The following LRIT3 variants were observed in gnomAD, a reference collection of about 807,000 sequenced individuals.
The protein encoded by LRIT3 is leucine rich repeat, Ig-like and transmembrane domains 3.
In LRIT3, 14 loss-of-function variants were observed where a neutral mutation model predicts 22.6. The observed-to-expected ratio is 0.62, with a 90% confidence interval of 0.41 to 0.97. LRIT3 has a LOEUF of 0.97. LRIT3 is among the 50% of genes least tolerant of loss of function. LRIT3 has a pLI of 0.00. For synonymous variants in LRIT3, 306 were observed against 304.5 expected, an observed-to-expected ratio of 1.01 and a Z score of -0.05; for missense variants, 783 against 803.0, an observed-to-expected ratio of 0.98 and a Z score of 0.30.
At position 109,872,222 on chromosome 4, in the gene LRIT3, C is replaced by T. The variant is rs1734854387; in HGVS notation, c.*1433C>T. The stretch of plus-strand genomic sequence containing the variant: ...ATAGAAGCTCTCCTAGTCAGTTGGT[C>T]ATCTGACCTCTGACTATATCCGGCC... On this transcript the variant is annotated 3_prime_UTR_variant, in exon 4 of 4. Transcript: ENST00000594814. 6.6e-6 allele frequency: 1 copy of T among 152,262 alleles called. No homozygotes were observed. The highest frequency in any genetic ancestry group is 1.5e-5 in the Non-Finnish European group (1 of 68,064). The allele number at this position is 152,262 out of a possible 1,614,324, so 9.4% of individuals were successfully genotyped here.
Position 109,851,694 on chromosome 4 carries a change from A to C in LRIT3, c.307A>C (p.Asn103His). ...VASIDPSSFY[N>H]LKQLHELRLD... Reference sequence around the variant, plus strand: ...CAGCATTGACCCCAGCAGCTTTTACAACCTGAAGCAACTGCATGAGTTGCG... The same window carrying C: ...CAGCATTGACCCCAGCAGCTTTTACCACCTGAAGCAACTGCATGAGTTGCG... Residue 103 changes from asparagine to histidine, a missense_variant, in exon 2 of 4, where the codon AAC becomes CAC. Coordinates refer to ENST00000594814, the MANE Select transcript of LRIT3 (RefSeq NM_198506.5). The C allele has an allele frequency of 6.4e-7, 1 of 1,551,670 alleles. No homozygotes were observed. The highest frequency in any genetic ancestry group is 1.2e-5 in the South Asian group (1 of 84,062).
intron 2 of LRIT3, among the ~76,000 whole-genome samples, chr4:109,859,930 T>A (rs1391310329): frequency 6.6e-6 from 1 of 152,356 alleles, no homozygotes; most frequent in Non-Finnish European, 1.5e-5. Context: ...TCAAGGGGTC[T>A]CCCTACATAA....
chr4:109,869,683 A>G lies in LRIT3; in HGVS notation c.934A>G (p.Ile312Val), dbSNP rs2125901453. The change falls in exon 4 of 4, where the codon ATA becomes GTA. Residue 312 changes from isoleucine (I) to valine (V), a missense_variant. Ile to Val is a conservative substitution (Grantham distance 29). Coordinates refer to ENST00000594814, the MANE Select transcript of LRIT3 (RefSeq NM_198506.5). Reference protein sequence around the residue: ...ESPEEGVRWSIMSLTGISSKD... With the variant: ...ESPEEGVRWSVMSLTGISSKD... The stretch of plus-strand genomic sequence containing the variant: ...TCCAGAGGAAGGAGTCAGATGGTCC[A>G]TAATGAGCTTGACAGGCATTTCTTC... The G allele has an allele frequency of 1.3e-6, 2 of 1,587,916 alleles. No homozygotes were observed. Among genetic ancestry groups the G allele is most frequent in the Non-Finnish European group, 8.6e-7 (1 of 1,166,588 alleles).
chr4:109,853,190 C>T (rs1734315199), intron 2 of LRIT3, among the ~76,000 whole-genome samples: 2 of 152,260 alleles, frequency 1.3e-5, no homozygotes, highest in South Asian at 4.1e-4. Flanking sequence ...CTAATTTATA[C>T]TCCCACCAAC....
At chr4:109,863,804 T>G (rs1734606170) in intron 2 of LRIT3, among the ~76,000 whole-genome samples, 1 of 152,196 alleles carries the variant, frequency 6.6e-6, no homozygotes. Flanking sequence ...CTCTCAGTGC[T>G]AAAAGCAAGA....
chr4:109,865,344 C>T, intron 2 of LRIT3: 1 of 1,553,548 alleles, frequency 6.4e-7, no homozygotes, highest in South Asian at 1.1e-5. Flanking sequence ...CTTCACATAT[C>T]AGGTCAACTA....
At chr4:109,851,463 G>A in intron 1 of LRIT3, 41 bp from the exon 2 acceptor site, 1 of 1,474,260 alleles carries the variant, frequency 6.8e-7, no homozygotes, top group Non-Finnish European at 9.0e-7. Flanking sequence ...AATGGGTGTT[G>A]GAAAGTGAGT....
intron 2 of LRIT3, among the ~76,000 whole-genome samples, chr4:109,857,158 T>A (rs1288873162): frequency 2.6e-5 from 4 of 152,120 alleles, no homozygotes; most frequent in Non-Finnish European, 5.9e-5. Context: ...AATATGCATC[T>A]TTCCTACTAA....
chr4:109,851,175 G>A (rs1284536467), intron 1 of LRIT3, among the ~76,000 whole-genome samples: 1 of 152,204 alleles, frequency 6.6e-6, no homozygotes, highest in Non-Finnish European at 1.5e-5. Context: ...GTTGTTGACA[G>A]TAGCAGCAAA....
Position 109,849,528 on chromosome 4 carries a change from G to A in LRIT3, c.116+1211G>A, listed in dbSNP as rs1289921955. On this transcript the variant is annotated intron_variant, in intron 1 of 3. Coordinates refer to ENST00000594814, the MANE Select transcript of LRIT3 (RefSeq NM_198506.5). ...TCCTAGATCATATAATTGTGTTGATGTAGTAACTAAGTTCATAAAGATGCT... is the reference window on the plus strand; with the variant it reads ...TCCTAGATCATATAATTGTGTTGATATAGTAACTAAGTTCATAAAGATGCT... Among the ~76,000 whole-genome samples, 8 of 152,342 alleles carry A rather than the reference G, an allele frequency of 5.3e-5. No individual in the cohort carries two copies. In the East Asian group the frequency reaches 1.3e-3, roughly 26 times the overall value.
intron 2 of LRIT3, 63 bp from the exon 3 acceptor site, chr4:109,867,578 G>T: frequency 8.1e-7 from 1 of 1,231,402 alleles, no homozygotes; most frequent in South Asian, 2.5e-5. Flanking sequence ...TTTCTCAAGA[G>T]GCAGGATGTA....
intron 2 of LRIT3, among the ~76,000 whole-genome samples, chr4:109,855,624 G>A (rs950924060): frequency 4.6e-5 from 7 of 152,012 alleles, no homozygotes; most frequent in South Asian, 2.1e-4. Flanking sequence ...TCTTTTAATT[G>A]TGATGTTAGG....
intron 2 of LRIT3, among the ~76,000 whole-genome samples, chr4:109,853,216 C>G (rs1479666704): frequency 1.3e-5 from 2 of 152,144 alleles, no homozygotes; most frequent in Non-Finnish European, 2.9e-5. Context: ...AAAAACGTTC[C>G]TATTTCTCCA....
rs1392210909 is a variant in LRIT3 at position 109,851,789 on chromosome 4, G to A, written c.402G>A (p.Leu134=). The part of the protein sequence containing the change: ...SLLDMPLLRT[L]DLHNNKITSV... ...TGGACATGCCCCTTCTGAGGACCCT[G>A]GACTTGCACAATAACAAAATAACCA... Residue 134 remains leucine (L), a synonymous_variant, in exon 2 of 4, where the codon CTG becomes CTA. Coordinates refer to ENST00000594814, the MANE Select transcript of LRIT3 (RefSeq NM_198506.5). 1 of 1,551,766 alleles carries A rather than the reference G, an allele frequency of 6.4e-7. No homozygotes were observed. The highest frequency in any genetic ancestry group is 1.2e-5 in the South Asian group (1 of 84,066).
At chr4:109,865,085 C>A in intron 2 of LRIT3, 1 of 1,400,120 alleles carries the variant, frequency 7.1e-7, no homozygotes, top group Non-Finnish European at 9.3e-7. Flanking sequence ...TCTTTGGTTT[C>A]TTTTAGTCTA....
At position 109,851,564 on chromosome 4, in the gene LRIT3, T is replaced by C. The variant is rs373425061; in HGVS notation, c.177T>C (p.Thr59=). Residue 59 remains threonine (T), a synonymous_variant, in exon 2 of 4, where the codon ACT becomes ACC. Coordinates refer to ENST00000594814, the MANE Select transcript of LRIT3 (RefSeq NM_198506.5). ...NELPTNLPVD[T]VKLRIEKTVI... The stretch of plus-strand genomic sequence containing the variant: ...TGCCTACGAACCTCCCCGTGGACAC[T>C]GTGAAGCTTCGCATAGAGAAGACTG... 3 of 1,551,792 alleles carry C rather than the reference T, an allele frequency of 1.9e-6. No individual in the cohort carries two copies. Among genetic ancestry groups the C allele is most frequent in the African/African-American group, 2.7e-5 (2 of 73,048 alleles).
In LRIT3 at chr4:109,852,878, G is replaced by C. The variant is rs966720924; in HGVS notation, c.589+902G>C. On this transcript the variant is annotated intron_variant, in intron 2 of 3. Coordinates refer to ENST00000594814, the MANE Select transcript of LRIT3 (RefSeq NM_198506.5). ...TCTGTGTTAGTTTGCTGAGAATGAT[G>C]GTTTCCACTTTCATTCATGTCCCTG... Among the ~76,000 whole-genome samples, 5 of 152,024 alleles carry C rather than the reference G, an allele frequency of 3.3e-5. No individual in the cohort carries two copies. The East Asian group carries it at 7.7e-4, about 23-fold the overall frequency.
intron 1 of LRIT3, among the ~76,000 whole-genome samples, chr4:109,849,089 C>T (rs571016759): frequency 1.8e-4 from 28 of 152,068 alleles, no homozygotes; most frequent in African/African-American, 5.3e-4. Flanking sequence ...TTGAAGTAAA[C>T]GGTGTCTCAG....
At chr4:109,869,549 A>G in intron 3 of LRIT3, 96 bp from the exon 4 acceptor site, 1 of 1,169,090 alleles carries the variant, frequency 8.6e-7, no homozygotes, top group Non-Finnish European at 1.2e-6. Flanking sequence ...CTGTGAGAGG[A>G]TGCATGTAGA....
Sources: gnomAD v4.1 joint callset for allele counts (sites outside exome capture counted in the v4.1 genomes callset) on GRCh38, gnomAD v4.1.1 for gene constraint, MANE v1.5 for transcripts, NCBI Gene and HGNC (gene_info 2026-07-23, HGNC 2026-07-21) for gene names.